Variants in WWOX observed in about 807,000 individuals in gnomAD.
The protein encoded by WWOX is WW domain containing oxidoreductase.
A neutral mutation model predicts 46.2 loss-of-function variants in WWOX; 69 were observed. The ratio of observed to expected loss-of-function variants is 1.49; its 90% CI spans 1.23 to 1.82. The LOEUF (loss-of-function observed/expected upper bound fraction) is 1.82, where lower values mean the gene tolerates loss of function less well. Ranked by LOEUF, WWOX falls within the 40% of genes most tolerant of loss-of-function variation. The probability of loss-of-function intolerance (pLI) is 0.00; values close to 1 mark genes in which losing one functional copy is unlikely to be tolerated. For synonymous variants in WWOX, 359 were observed against 202.6 expected, an observed-to-expected ratio of 1.77 and a Z score of -6.56; for missense variants, 919 against 542.6, an observed-to-expected ratio of 1.69 and a Z score of -6.89.
chr16:78,812,678 A>G (rs1286980301), intron 8 of WWOX, among the ~76,000 whole-genome samples: 2 of 152,098 alleles, frequency 1.3e-5, no homozygotes, highest in African/African-American at 2.4e-5. Flanking sequence ...GTGAGCCAAG[A>G]TAGTGCCACT....
chr16:78,438,733 C>A (rs1428749482), intron 8 of WWOX, among the ~76,000 whole-genome samples: 1 of 152,160 alleles, frequency 6.6e-6, no homozygotes, highest in Non-Finnish European at 1.5e-5. Flanking sequence ...TATGGAACTT[C>A]TGCGACGATC....
At chr16:78,215,623 C>T (rs1431074883) in intron 5 of WWOX, among the ~76,000 whole-genome samples, 1 of 152,158 alleles carries the variant, frequency 6.6e-6, no homozygotes, top group Admixed American at 6.5e-5. Flanking sequence ...ATCTTCATAG[C>T]AGTGCAAAAA....
chr16:79,181,903 G>C (rs754630598), intron 8 of WWOX, among the ~76,000 whole-genome samples: 22 of 152,192 alleles, frequency 1.4e-4, no homozygotes, highest in Non-Finnish European at 2.6e-4. Flanking sequence ...CACTGGGATA[G>C]AGCATTGTTA....
chr16:78,710,355 C>G (rs745581045), intron 8 of WWOX, among the ~76,000 whole-genome samples: 2 of 150,894 alleles, frequency 1.3e-5, no homozygotes, highest in Admixed American at 6.6e-5. Context: ...TCCATCCTTC[C>G]TTTTCCCAGT....
chr16:78,861,802 A>G (rs532851417), intron 8 of WWOX, among the ~76,000 whole-genome samples: 1 of 152,206 alleles, frequency 6.6e-6, no homozygotes, highest in Non-Finnish European at 1.5e-5. Flanking sequence ...AAGTCCAGAA[A>G]TTGTTGAAAT....
At chr16:78,129,934 A>G (rs568185855) in intron 4 of WWOX, 50 of 152,156 alleles carry the variant, frequency 3.3e-4, no homozygotes, top group African/African-American at 1.2e-3. Context: ...CATGATCCCC[A>G]TGTCTTGTGG....
chr16:78,250,075 C>T lies in WWOX; in HGVS notation c.516+85786C>T, dbSNP rs1481127971. ...GACAGACCTGGCCTTGGGCAAGCCA[C>T]CCCCACTCCCTGGCTCTGTGACCTT... On this transcript the variant is annotated intron_variant, in intron 5 of 8. Coordinates refer to ENST00000566780, the MANE Select transcript of WWOX (RefSeq NM_016373.4). 2.0e-5 allele frequency among the ~76,000 whole-genome samples: 3 copies of T among 152,200 alleles called. No individual in the cohort carries two copies. The East Asian group carries it at 5.8e-4, about 29-fold the overall frequency.
intron 6 of WWOX, among the ~76,000 whole-genome samples, chr16:78,422,930 G>C (rs1597212614): frequency 6.8e-6 from 1 of 148,100 alleles, no homozygotes; most frequent in East Asian, 2.0e-4. Flanking sequence ...CTGTTGCCCA[G>C]GCTGGGGTGC....
chr16:78,645,839 T>G (rs1043183016), intron 8 of WWOX, among the ~76,000 whole-genome samples: 1 of 152,266 alleles, frequency 6.6e-6, no homozygotes, highest in Middle Eastern at 3.4e-3. Flanking sequence ...TTGGCAGGGC[T>G]GGGCTCTGGG....
chr16:78,472,325 A>C (rs2151436107), intron 8 of WWOX, among the ~76,000 whole-genome samples: 1 of 152,332 alleles, frequency 6.6e-6, no homozygotes, highest in East Asian at 1.9e-4. Flanking sequence ...GCATATTCCA[A>C]GCCTGTCAAT....
At chr16:78,365,630 C>G (rs1468398702) in intron 5 of WWOX, among the ~76,000 whole-genome samples, 1 of 152,226 alleles carries the variant, frequency 6.6e-6, no homozygotes. Context: ...GCTCTATAGA[C>G]TGCCTACCAC....
At chr16:78,211,134 T>C (rs2036547248) in intron 5 of WWOX, among the ~76,000 whole-genome samples, 1 of 152,206 alleles carries the variant, frequency 6.6e-6, no homozygotes, top group Admixed American at 6.5e-5. Flanking sequence ...GAATTTATTT[T>C]GGGTTCTGGC....
rs758746365 is a variant in WWOX at position 79,211,690 on chromosome 16, G to A, written c.1139G>A (p.Cys380Tyr). The A allele has an allele frequency of 1.4e-5, 22 of 1,614,108 alleles. No homozygotes were observed. Among genetic ancestry groups the A allele is most frequent in the African/African-American group, 2.7e-5 (2 of 74,940 alleles). ...GLGGMYFNNC[C>Y]RCMPSPEAQS... is the part of the protein sequence containing the mutation. ...GGAGGGATGTACTTCAACAACTGCTGCCGCTGCATGCCCTCACCAGAAGCT... is the reference window on the plus strand; with the variant it reads ...GGAGGGATGTACTTCAACAACTGCTACCGCTGCATGCCCTCACCAGAAGCT... Residue 380 changes from cysteine (C) to tyrosine (Y), a missense_variant, in exon 9 of 9, where the codon TGC becomes TAC. By Grantham distance (194) the Cys-to-Tyr change is radical. Coordinates refer to ENST00000566780, the MANE Select transcript of WWOX (RefSeq NM_016373.4).
chr16:78,713,870 G>A (rs1007470159), intron 8 of WWOX, among the ~76,000 whole-genome samples: 5 of 152,156 alleles, frequency 3.3e-5, no homozygotes, highest in African/African-American at 1.2e-4. Flanking sequence ...CCAGGGTCCT[G>A]ATCTGAATAT....
At chr16:78,892,849 T>C (rs1444987145) in intron 8 of WWOX, among the ~76,000 whole-genome samples, 1 of 152,214 alleles carries the variant, frequency 6.6e-6, no homozygotes, top group Non-Finnish European at 1.5e-5. Context: ...TAAGGAACTC[T>C]GCTGTTTGAG....
chr16:78,764,319 A>G (rs1276620876), intron 8 of WWOX, among the ~76,000 whole-genome samples: 4 of 151,656 alleles, frequency 2.6e-5, no homozygotes, highest in Admixed American at 6.6e-5. Flanking sequence ...TTTGGTCAGC[A>G]TTGCAGAACC....
At chr16:78,677,292 C>T (rs987094609) in intron 8 of WWOX, among the ~76,000 whole-genome samples, 1 of 152,146 alleles carries the variant, frequency 6.6e-6, no homozygotes, top group Non-Finnish European at 1.5e-5. Flanking sequence ...TTTGGTTTCT[C>T]TGTCTACTCA....
At chr16:78,791,809 G>C (rs895636095) in intron 8 of WWOX, among the ~76,000 whole-genome samples, 3 of 152,108 alleles carry the variant, frequency 2.0e-5, no homozygotes, top group Non-Finnish European at 4.4e-5. Context: ...GAACCGGAGA[G>C]GCAGAGGTTG....
intron 1 of WWOX, among the ~76,000 whole-genome samples, chr16:78,105,551 G>T (rs527923267): frequency 6.6e-6 from 1 of 152,180 alleles, no homozygotes; most frequent in Non-Finnish European, 1.5e-5. Context: ...AGTCAAGAAC[G>T]TAGGTTGACA....
Sources: gnomAD v4.1 joint callset for allele counts (sites outside exome capture counted in the v4.1 genomes callset) on GRCh38, gnomAD v4.1.1 for gene constraint, MANE v1.5 for transcripts, NCBI Gene and HGNC (gene_info 2026-07-23, HGNC 2026-07-21) for gene names.